RBPJ: variants seen among roughly 807,000 people sequenced by gnomAD.
RBPJ encodes recombining binding protein suppressor of hairless.
RBPJ carries 9 observed loss-of-function variants against 67.8 expected under a neutral mutation model. The ratio of observed to expected loss-of-function variants is 0.13; its 90% CI spans 0.08 to 0.23. The LOEUF (loss-of-function observed/expected upper bound fraction) is 0.23, where lower values mean the gene tolerates loss of function less well. Ranked by LOEUF, RBPJ falls within the 10% of genes least tolerant of loss-of-function variation. The pLI, the probability that RBPJ is intolerant of heterozygous loss-of-function variation, is 1.00. For missense variants in RBPJ, 305 were observed against 595.6 expected, an observed-to-expected ratio of 0.51 and a Z score of 5.08; for synonymous variants, 198 against 203.3, an observed-to-expected ratio of 0.97 and a Z score of 0.22.
At chr4:26,319,757 A>T, upstream of RBPJ, 1 of 1,001,498 alleles carries the variant, frequency 1.0e-6, no homozygotes, top group Non-Finnish European at 1.6e-6. Flanking sequence ...CCAATCCTGC[A>T]GCGCCTTCAA....
chr4:26,354,125 G>A (rs1327049104), intron 1 of RBPJ, among the ~76,000 whole-genome samples: 2 of 151,098 alleles, frequency 1.3e-5, no homozygotes, highest in Non-Finnish European at 1.5e-5. Flanking sequence ...TAGAGACGGG[G>A]TTTCACCATG....
At chr4:26,253,051 A>G (rs1334333338) in intron 1 of RBPJ, among the ~76,000 whole-genome samples, 2 of 152,224 alleles carry the variant, frequency 1.3e-5, no homozygotes, top group Non-Finnish European at 2.9e-5. Flanking sequence ...GGGGTATTCA[A>G]TGACAGCCAC....
chr4:26,279,437 C>T (rs1265796195), intron 1 of RBPJ, among the ~76,000 whole-genome samples: 2 of 152,250 alleles, frequency 1.3e-5, no homozygotes, highest in African/African-American at 2.4e-5. Context: ...TGCCCCACCA[C>T]GCCCAGCTAA....
intron 1 of RBPJ, among the ~76,000 whole-genome samples, chr4:26,244,061 C>T (rs1719738785): frequency 6.6e-6 from 1 of 151,570 alleles, no homozygotes; most frequent in African/African-American, 2.4e-5. Flanking sequence ...GGTGGCACCA[C>T]TGCACTTTGG....
chr4:26,193,610 T>C (rs903758472), intron 1 of RBPJ, among the ~76,000 whole-genome samples: 1 of 152,198 alleles, frequency 6.6e-6, no homozygotes, highest in Non-Finnish European at 1.5e-5. Context: ...ATCGCTAGTA[T>C]AATAAATCAT....
At chr4:26,201,930 C>A (rs1202131571) in intron 1 of RBPJ, among the ~76,000 whole-genome samples, 1 of 152,214 alleles carries the variant, frequency 6.6e-6, no homozygotes, top group East Asian at 1.9e-4. Context: ...CTACCTGTTA[C>A]AAAATTCAAT....
intron 1 of RBPJ, among the ~76,000 whole-genome samples, chr4:26,382,276 A>G (rs1730407668): frequency 2.6e-5 from 4 of 152,208 alleles, no homozygotes; most frequent in Admixed American, 2.0e-4. Flanking sequence ...TTTATAATTC[A>G]TTAAATTATA....
intron 3 of RBPJ, among the ~76,000 whole-genome samples, chr4:26,415,181 A>G (rs1734440921): frequency 6.6e-6 from 1 of 152,148 alleles, no homozygotes; most frequent in African/African-American, 2.4e-5. Context: ...AACTCTGGTA[A>G]TTTAGAACTC....
At chr4:26,218,739 C>T (rs1199327809) in intron 1 of RBPJ, among the ~76,000 whole-genome samples, 2 of 152,180 alleles carry the variant, frequency 1.3e-5, no homozygotes, top group Non-Finnish European at 2.9e-5. Flanking sequence ...TAACCACTCG[C>T]TGTTTAACCC....
intron 4 of RBPJ, 147 bp downstream of exon 4, chr4:26,415,787 C>A: frequency 1.4e-6 from 1 of 733,686 alleles, no homozygotes; most frequent in Non-Finnish European, 2.2e-6. Context: ...AAAAACATGC[C>A]TCTCATAGCT....
upstream of RBPJ, among the ~76,000 whole-genome samples, chr4:26,319,386 G>A (rs972222168): frequency 2.6e-5 from 4 of 152,092 alleles, no homozygotes; most frequent in Admixed American, 2.6e-4. Context: ...TGCGAGACGC[G>A]GGTCTCCTCC....
chr4:26,187,295 G>A (rs1560202442), intron 1 of RBPJ, among the ~76,000 whole-genome samples: 2 of 152,116 alleles, frequency 1.3e-5, no homozygotes, highest in African/African-American at 4.8e-5. Flanking sequence ...CATTATTCTT[G>A]TATCTCTTTG....
rs1025631996 is a variant in RBPJ, at chr4:26,242,705, T to TAAAA, written c.-167+79110_-167+79113dup. Among the ~76,000 whole-genome samples the TAAAA allele has an allele frequency of 9.2e-3, 927 of 100,388 alleles. 18 individuals are homozygous for TAAAA. Among genetic ancestry groups the TAAAA allele is most frequent in the African/African-American group, 0.03 (798 of 27,050 alleles). 65.9% of individuals were successfully genotyped at this position (100,388 alleles called of 152,430 possible). A position where few individuals can be genotyped will look rare whatever the true frequency, so the allele number is the denominator to read the frequency against. On this transcript the variant is annotated intron_variant, in intron 1 of 4. Coordinates refer to the RBPJ transcript ENST00000512351. ...TTTCACCAACAGACCCACTCATAGT[T>TAAAA]AAAAAAAAAAAAAAAAAAAAAAGTC...
At chr4:26,318,039 G>C (rs1397011982), upstream of RBPJ, among the ~76,000 whole-genome samples, 3 of 152,104 alleles carry the variant, frequency 2.0e-5, no homozygotes, top group Non-Finnish European at 4.4e-5. Context: ...CCTGTTCCAA[G>C]CCAGACTTGC....
intron 2 of RBPJ, among the ~76,000 whole-genome samples, chr4:26,387,328 A>G (rs1731018249): frequency 6.6e-6 from 1 of 152,328 alleles, no homozygotes; most frequent in Admixed American, 6.5e-5. Context: ...AAATAATGAT[A>G]GTAATGGATT....
chr4:26,428,053 T>C (rs1286604709), intron 7 of RBPJ, among the ~76,000 whole-genome samples: 1 of 152,250 alleles, frequency 6.6e-6, no homozygotes, highest in Non-Finnish European at 1.5e-5. Context: ...TCAGGACATA[T>C]TCTGGTCCTT....
chr4:26,184,838 T>C (rs979754648), intron 1 of RBPJ, among the ~76,000 whole-genome samples: 1 of 152,140 alleles, frequency 6.6e-6, no homozygotes, highest in African/African-American at 2.4e-5. Flanking sequence ...ATGAAGAACT[T>C]TTTTTGAAGA....
At chr4:26,230,362 C>T (rs1464953239) in intron 1 of RBPJ, among the ~76,000 whole-genome samples, 5 of 152,154 alleles carry the variant, frequency 3.3e-5, no homozygotes, top group Non-Finnish European at 7.3e-5. Flanking sequence ...CTAATAATAA[C>T]GATAACATCT....
Position 26,265,522 on chromosome 4 carries a change from G to GA in RBPJ, c.-166-96912dup, listed in dbSNP as rs974558175. ...ATAGAGTGAGACAGTCTCAAAAAAA[G>GA]AAAAAAAAAAAAGAATAGATGAAAA... On this transcript the variant is annotated intron_variant, in intron 1 of 4. Transcript: ENST00000512351. 4.0e-3 allele frequency among the ~76,000 whole-genome samples: 548 copies of GA among 135,994 alleles called. 2 individuals carry two copies. The highest frequency in any genetic ancestry group is 7.9e-3 in the Middle Eastern group (2 of 254). The allele number at this position is 135,994 out of a possible 152,430, so 89.2% of individuals were successfully genotyped here.
Sources: gnomAD v4.1 joint callset for allele counts (sites outside exome capture counted in the v4.1 genomes callset) on GRCh38, gnomAD v4.1.1 for gene constraint, MANE v1.5 for transcripts, NCBI Gene and HGNC (gene_info 2026-07-23, HGNC 2026-07-21) for gene names.